Variants in DCAF1 observed in about 807,000 individuals in gnomAD.
DCAF1 encodes the protein DDB1- and CUL4-associated factor 1.
DCAF1 carries 15 observed loss-of-function variants against 128.0 expected under a neutral mutation model. That is an observed-to-expected ratio of 0.12 (90% CI 0.08 to 0.18). The LOEUF (loss-of-function observed/expected upper bound fraction) is 0.18. Among genes scored for constraint, DCAF1 ranks in the 10% least tolerant of loss-of-function variants. DCAF1 has a pLI of 1.00. For missense variants in DCAF1, 988 were observed against 1,649.5 expected (o/e 0.60, Z 6.95); for synonymous variants, 610 against 603.0 (o/e 1.01, Z -0.17).
At chr3:51,403,994 A>G (rs1665441291) in intron 23 of DCAF1, among the ~76,000 whole-genome samples, 1 of 152,286 alleles carries the variant, frequency 6.6e-6, no homozygotes, top group African/African-American at 2.4e-5. Flanking sequence ...AAGAAAAAAA[A>G]GTATGCTGGA....
intron 10 of DCAF1, among the ~76,000 whole-genome samples, chr3:51,432,505 C>G (rs887499632): frequency 6.6e-6 from 1 of 151,458 alleles, no homozygotes; most frequent in Non-Finnish European, 1.5e-5. Flanking sequence ...GTAGCCCAGG[C>G]TGGAATGCAA....
chr3:51,461,554 A>G (rs1379759170), intron 6 of DCAF1, among the ~76,000 whole-genome samples: 3 of 152,122 alleles, frequency 2.0e-5, no homozygotes, highest in Non-Finnish European at 2.9e-5. Context: ...CAGCCATCCC[A>G]TTACTGGGTA....
chr3:51,413,316 G>C lies in DCAF1; in HGVS notation c.4002C>G (p.Phe1334Leu). The C allele has an allele frequency of 6.2e-7, 1 of 1,613,592 alleles. No homozygotes were observed. The change falls in exon 21 of 25, where the codon TTC (phenylalanine) becomes TTG (leucine). Residue 1334 changes from phenylalanine (F) to leucine (L), a missense_variant. By Grantham distance (22) the Phe-to-Leu change is conservative. Around this residue, in one of 11 missense-constraint regions of DCAF1, gnomAD observed 85 missense variants for 204.6 expected, o/e 0.42. Coordinates refer to ENST00000684031, the MANE Select transcript of DCAF1 (RefSeq NM_001387579.1). ...ERMKSPFGSS[F>L]RTFNATDYKP... is the part of the protein sequence containing the mutation. The stretch of plus-strand genomic sequence containing the variant: ...TGTAGTCAGTTGCATTAAATGTTCG[G>C]AAGGATGACCCAAAGGGGCTTTTCA...
At chr3:51,477,251 G>A (rs951744697) in intron 3 of DCAF1, among the ~76,000 whole-genome samples, 37 of 151,426 alleles carry the variant, frequency 2.4e-4, no homozygotes, top group Middle Eastern at 3.2e-3. Flanking sequence ...GAGCAGACAG[G>A]CCTAAAATTC....
chr3:51,477,202 T>C (rs1175806245), intron 3 of DCAF1, among the ~76,000 whole-genome samples: 14 of 151,968 alleles, frequency 9.2e-5, no homozygotes, highest in Admixed American at 9.2e-4. Context: ...TACACTGTTC[T>C]TACGAAACTG....
chr3:51,490,119 T>C (rs1707461409), intron 2 of DCAF1, among the ~76,000 whole-genome samples: 1 of 152,108 alleles, frequency 6.6e-6, no homozygotes, highest in South Asian at 2.1e-4. Context: ...ACAAATTTAA[T>C]TTAAAAGGCA....
At chr3:51,422,073 C>T (rs981089272) in intron 14 of DCAF1, among the ~76,000 whole-genome samples, 4 of 151,984 alleles carry the variant, frequency 2.6e-5, no homozygotes, top group Admixed American at 2.6e-4. Flanking sequence ...TAGCATGACT[C>T]CCTTACATCA....
intron 6 of DCAF1, among the ~76,000 whole-genome samples, chr3:51,456,542 C>G (rs553368365): frequency 2.0e-5 from 3 of 152,308 alleles, no homozygotes; most frequent in East Asian, 3.9e-4. Context: ...AAATGTCCCT[C>G]TCTGACAGCT....
chr3:51,467,461 G>A (rs1018097689), intron 4 of DCAF1, among the ~76,000 whole-genome samples: 6 of 152,036 alleles, frequency 3.9e-5, no homozygotes, highest in South Asian at 2.1e-4. Flanking sequence ...AGAACACTCG[G>A]ACACAGGAAG....
chr3:51,448,117 T>C (rs1553640707), intron 6 of DCAF1, among the ~76,000 whole-genome samples: 1 of 152,226 alleles, frequency 6.6e-6, no homozygotes, highest in East Asian at 1.9e-4. Flanking sequence ...TTCACTGTAC[T>C]TCCTGAATCT....
intron 23 of DCAF1, among the ~76,000 whole-genome samples, chr3:51,411,875 C>T (rs971323825): frequency 6.6e-6 from 1 of 151,652 alleles, no homozygotes; most frequent in East Asian, 1.9e-4. Flanking sequence ...TCTGAGAGGC[C>T]GACGTGGGCA....
intron 3 of DCAF1, among the ~76,000 whole-genome samples, chr3:51,474,623 G>GT (rs1398201361): frequency 7.0e-6 from 1 of 143,458 alleles, no homozygotes; most frequent in Admixed American, 7.0e-5. Context: ...TTTTTTTAAT[G>GT]TTTTTTTAAG....
At chr3:51,410,624 T>C (rs1343340565) in intron 23 of DCAF1, among the ~76,000 whole-genome samples, 1 of 152,232 alleles carries the variant, frequency 6.6e-6, no homozygotes, top group Non-Finnish European at 1.5e-5. Flanking sequence ...CATTTTCAAA[T>C]ATTACCATTT....
intron 2 of DCAF1, among the ~76,000 whole-genome samples, chr3:51,492,069 ATC>A (rs1707714361): frequency 6.7e-6 from 1 of 150,194 alleles, no homozygotes; most frequent in Non-Finnish European, 1.5e-5. Flanking sequence ...AGGGAGGGGA[ATC>A]GCTTGAACCT....
chr3:51,462,469 G>C (rs942876440), intron 6 of DCAF1, among the ~76,000 whole-genome samples: 3 of 152,026 alleles, frequency 2.0e-5, no homozygotes, highest in African/African-American at 7.2e-5. Context: ...ATACTGGCCA[G>C]GTGCGATGGC....
In DCAF1 at chr3:51,498,558, C is replaced by T. The variant is rs550907507; in HGVS notation, c.-56+1315G>A. Reference sequence around the variant, plus strand: ...CAGCCTGGGCAACATACTGAGACCACTGTCTCTATAAAAAATAAATGAATA... The same window carrying T: ...CAGCCTGGGCAACATACTGAGACCATTGTCTCTATAAAAAATAAATGAATA... On this transcript the variant is annotated intron_variant, in intron 1 of 24. Coordinates refer to ENST00000684031, the MANE Select transcript of DCAF1 (RefSeq NM_001387579.1). Among the ~76,000 whole-genome samples, 3 of 151,994 alleles carry T rather than the reference C, an allele frequency of 2.0e-5. No individual in the cohort carries two copies. The East Asian group carries it at 5.8e-4, about 29-fold the overall frequency.
At chr3:51,433,634 G>A (rs1183408108) in intron 9 of DCAF1, among the ~76,000 whole-genome samples, 2 of 151,282 alleles carry the variant, frequency 1.3e-5, no homozygotes, top group Non-Finnish European at 2.9e-5. Context: ...GCTAATTTTT[G>A]TATTTTTTAG....
chr3:51,405,707 C>G (rs2106929927), intron 23 of DCAF1, among the ~76,000 whole-genome samples: 1 of 152,266 alleles, frequency 6.6e-6, no homozygotes, highest in African/African-American at 2.4e-5. Context: ...AAGACTCATC[C>G]AAAATGCTGT....
chr3:51,473,907 G>A (rs1417345889), intron 3 of DCAF1, among the ~76,000 whole-genome samples: 2 of 151,530 alleles, frequency 1.3e-5, no homozygotes, highest in Non-Finnish European at 2.9e-5. Flanking sequence ...ACGTTCAGGC[G>A]ATTCTCCTGC....
Sources: allele counts gnomAD v4.1 joint callset (sites outside exome capture counted in the v4.1 genomes callset), GRCh38; gene constraint gnomAD v4.1.1; regional missense constraint gnomAD v4.1.1; transcripts MANE v1.5; gene names NCBI Gene and HGNC (gene_info 2026-07-23, HGNC 2026-07-21).